Variants in CATSPER1 observed in about 807,000 individuals in gnomAD.
CATSPER1 encodes cation channel sperm associated 1, also known as cation channel sperm-associated protein 1.
A neutral mutation model predicts 72.7 loss-of-function variants in CATSPER1; 57 were observed. The ratio of observed to expected loss-of-function variants is 0.78; its 90% CI spans 0.63 to 0.98. The LOEUF is 0.98. Among genes scored for constraint, CATSPER1 ranks in the 50% least tolerant of loss-of-function variants. The pLI, the probability that CATSPER1 is intolerant of heterozygous loss-of-function variation, is 0.00. For synonymous variants in CATSPER1, 363 were observed against 403.0 expected, an observed-to-expected ratio of 0.90 and a Z score of 1.19; for missense variants, 910 against 1,033.9, an observed-to-expected ratio of 0.88 and a Z score of 1.64.
chr11:66,021,380 G>A (rs111960185), intron 4 of CATSPER1, 116 bp downstream of exon 4: 1 of 1,368,332 alleles, frequency 7.3e-7, no homozygotes, highest in Non-Finnish European at 1.0e-6. Context: ...GCTGGGGTCA[G>A]CAGCCTCCTG....
Position 66,026,032 on chromosome 11 carries a change from A to G in CATSPER1, c.348T>C (p.His116=), listed in dbSNP as rs1856498181. Reference sequence around the variant, plus strand: ...TCCTGCCATCACGTTGGAGCTCATCATGGTAGTCCTCACCGTAGGAACGGT... The same window carrying G: ...TCCTGCCATCACGTTGGAGCTCATCGTGGTAGTCCTCACCGTAGGAACGGT... ...PSHRSYGEDY[H]DELQRDGRRH... Residue 116 remains histidine, a synonymous_variant, in exon 1 of 12, where the codon CAT becomes CAC. Transcript: ENST00000312106. 7 of 1,613,882 alleles carry G rather than the reference A, an allele frequency of 4.3e-6. No individual in the cohort carries two copies. The highest frequency in any genetic ancestry group is 2.2e-5 in the South Asian group (2 of 91,078).
chr11:66,020,765 A>ACC lies in CATSPER1; in HGVS notation c.1927+44_1927+45dup, dbSNP rs1565070768. 3 of 1,607,050 alleles carry ACC rather than the reference A, an allele frequency of 1.9e-6. No individual in the cohort carries two copies. Among genetic ancestry groups the ACC allele is most frequent in the Non-Finnish European group, 2.5e-6 (3 of 1,176,826 alleles). On this transcript the variant is annotated intron_variant, in intron 6 of 11. Coordinates refer to ENST00000312106, the MANE Select transcript of CATSPER1 (RefSeq NM_053054.4). The surrounding 1 kb of genome is among the most constrained non-coding windows in gnomAD (Gnocchi z 4.5). ...GGGGTCACTGAGCCCTGGCCGGTCC[A>ACC]CCCCGCCAATCCCCGGCCCTCCCTG... is the stretch of plus-strand genomic sequence containing the variant.
chr11:66,019,988 G>T, intron 9 of CATSPER1, 152 bp downstream of exon 9: 1 of 697,284 alleles, frequency 1.4e-6, no homozygotes, highest in East Asian at 2.7e-5. Context: ...ATTGTTCTAG[G>T]GTCCTCTGGA....
Position 66,025,926 on chromosome 11 carries a change from G to T in CATSPER1, c.454C>A (p.Pro152Thr). ...HYHRGSHHGR[P>T]QYLGENLSHY... ...GATAAATTCTCACCGAGATATTGGG[G>T]TCTGCCATGGTGAGACCCCCTATGG... The change falls in exon 1 of 12, where the codon CCC becomes ACC. Residue 152 changes from proline to threonine, a missense_variant. By Grantham distance (38) the Pro-to-Thr change is conservative. Transcript: ENST00000312106. The T allele has an allele frequency of 6.2e-7, 1 of 1,613,894 alleles. No individual in the cohort carries two copies. Among genetic ancestry groups the T allele is most frequent in the Non-Finnish European group, 8.5e-7 (1 of 1,179,952 alleles).
Position 66,021,761 on chromosome 11 carries a change from C to G in CATSPER1, c.1543+5G>C, listed in dbSNP as rs2134992613. The G allele has an allele frequency of 6.2e-7, 1 of 1,613,780 alleles. No individual in the cohort carries two copies. The highest frequency in any genetic ancestry group is 2.2e-5 in the East Asian group (1 of 44,876). ...CACACGCAGCCTGGCCCCGGCCGCA[C>G]CCACCCAAATTGTTCCAGAAGTCAA... On this transcript the variant is annotated splice_donor_5th_base_variant and intron_variant, in intron 3 of 11. Coordinates refer to ENST00000312106, the MANE Select transcript of CATSPER1 (RefSeq NM_053054.4).
chr11:66,025,825 A>G lies in CATSPER1; in HGVS notation c.555T>C (p.Asn185=), dbSNP rs956260987. 36 of 1,610,968 alleles carry G rather than the reference A, an allele frequency of 2.2e-5. No homozygotes were observed. The highest frequency in any genetic ancestry group is 3.1e-5 in the Non-Finnish European group (36 of 1,179,078). Residue 185 remains asparagine, a synonymous_variant, in exon 1 of 12, where the codon AAT becomes AAC. Coordinates refer to ENST00000312106, the MANE Select transcript of CATSPER1 (RefSeq NM_053054.4). The part of the protein sequence containing the change: ...HGGSYLPHGP[N]PYSESFHHSE... The stretch of plus-strand genomic sequence containing the variant: ...TGTGGTGGAAGGACTCACTGTAGGG[A>G]TTGGGTCCATGGGGGAGGTAGGACC...
chr11:66,023,256 A>G (rs918726518), intron 1 of CATSPER1, among the ~76,000 whole-genome samples, 195 bp from the exon 2 acceptor site: 10 of 152,136 alleles, frequency 6.6e-5, no homozygotes, highest in African/African-American at 2.4e-4. Flanking sequence ...CGCCCGGCTA[A>G]TTTTTGTATT....
In CATSPER1 at chr11:66,026,474, C is replaced by T. The variant is rs769020617; in HGVS notation, c.-95G>A. 3 of 1,589,990 alleles carry T rather than the reference C, an allele frequency of 1.9e-6. No homozygotes were observed. The highest frequency in any genetic ancestry group is 3.4e-5 in the Admixed American group (2 of 59,374). Reference sequence around the variant, plus strand: ...CTTCTTTCCTGAGCCAAGCTCAATGCAGACTGTGGCACTGGGCTTCCAGAA... The same window carrying T: ...CTTCTTTCCTGAGCCAAGCTCAATGTAGACTGTGGCACTGGGCTTCCAGAA... On this transcript the variant is annotated 5_prime_UTR_variant, in exon 1 of 12. Transcript: ENST00000312106.
intron 9 of CATSPER1, among the ~76,000 whole-genome samples, chr11:66,019,918 CAAAAAAAAAAAAA>C (rs60681273): frequency 1.3e-4 from 8 of 62,692 alleles, no homozygotes; most frequent in African/African-American, 3.2e-4. Context: ...GACTCCATCT[CAAAAAAAAAAAAA>C]AAAAAAAAAA....
intron 1 of CATSPER1, among the ~76,000 whole-genome samples, chr11:66,024,020 G>A (rs1256025216): frequency 2.0e-5 from 3 of 151,632 alleles, no homozygotes; most frequent in African/African-American, 4.9e-5. Flanking sequence ...CTGGAGTGCA[G>A]TATCGTGATC....
chr11:66,021,975 T>A (rs1856383240), intron 2 of CATSPER1, 96 bp from the exon 3 acceptor site: 1 of 926,630 alleles, frequency 1.1e-6, no homozygotes, highest in Non-Finnish European at 1.8e-6. Context: ...ATTCCCAGGC[T>A]CTCCCCGGCT....
chr11:66,021,896 G>A lies in CATSPER1; in HGVS notation c.1430-17C>T, dbSNP rs766140407. ...AGTACCACTCTGCAGGAACACAGGG[G>A]TGCACTCAGAGCTGTCCCCAGCACC... On this transcript the variant is annotated splice_polypyrimidine_tract_variant and intron_variant, in intron 2 of 11. Transcript: ENST00000312106. 1 of 1,586,148 alleles carries A rather than the reference G, an allele frequency of 6.3e-7. No homozygotes were observed. The highest frequency in any genetic ancestry group is 8.7e-7 in the Non-Finnish European group (1 of 1,155,068).
At position 66,026,023 on chromosome 11, in the gene CATSPER1, G is replaced by A. The variant is rs368751630; in HGVS notation, c.357C>T (p.Leu119=). Residue 119 remains leucine (L), a synonymous_variant, in exon 1 of 12, where the codon CTC becomes CTT. Transcript: ENST00000312106. The stretch of plus-strand genomic sequence containing the variant: ...CATGATGCCTCCTGCCATCACGTTG[G>A]AGCTCATCATGGTAGTCCTCACCGT... The part of the protein sequence containing the change: ...RSYGEDYHDE[L]QRDGRRHHDG... 4 of 1,613,988 alleles carry A rather than the reference G, an allele frequency of 2.5e-6. No homozygotes were observed. In the African/African-American group the frequency reaches 4.0e-5, roughly 16 times the overall value.
rs1433591631 is a variant in CATSPER1 at position 66,022,883 on chromosome 11, C to A, written c.1395G>T (p.Val465=). ...TCTCGACTTCAGCGAAGGTCTGGGC[C>A]ACCAGCATGACGGTGTTGAGGCAGA... ...FVVCLNTVML[V]AQTFAEVEIR... The change falls in exon 2 of 12, where the codon GTG becomes GTT. Residue 465 remains valine (V), a synonymous_variant. Coordinates refer to ENST00000312106, the MANE Select transcript of CATSPER1 (RefSeq NM_053054.4). The A allele has an allele frequency of 6.2e-7, 1 of 1,614,060 alleles. No homozygotes were observed. Among genetic ancestry groups the A allele is most frequent in the Non-Finnish European group, 8.5e-7 (1 of 1,180,052 alleles).
In CATSPER1 at chr11:66,020,703, C is replaced by T; in HGVS notation, c.1928-76G>A. ...ACCACGACCTGCTCCCTTCCCATAC[C>T]CGGACATGCAGGCATCAGAAGCCCC... is the stretch of plus-strand genomic sequence containing the variant. On this transcript the variant is annotated intron_variant, in intron 6 of 11. Transcript: ENST00000312106. This position sits in a 1 kb window ranked among gnomAD's most constrained non-coding sequence, Gnocchi z 4.5. 3 of 1,595,808 alleles carry T rather than the reference C, an allele frequency of 1.9e-6. No homozygotes were observed. Among genetic ancestry groups the T allele is most frequent in the Non-Finnish European group, 1.7e-6 (2 of 1,166,552 alleles).
intron 4 of CATSPER1, 150 bp from the exon 5 acceptor site, chr11:66,021,335 G>T: frequency 8.3e-7 from 1 of 1,202,822 alleles, no homozygotes; most frequent in Non-Finnish European, 1.2e-6. Context: ...AAAATGAAGG[G>T]GCTGATTCCA....
Position 66,020,376 on chromosome 11 carries a change from C to A in CATSPER1, c.2005G>T (p.Val669Phe). 2 of 1,614,078 alleles carry A rather than the reference C, an allele frequency of 1.2e-6. No individual in the cohort carries two copies. The highest frequency in any genetic ancestry group is 8.5e-7 in the Non-Finnish European group (1 of 1,180,042). ...GCCGTCTGGAAGCTATCCACCAGGA[C>A]AGTAATCACCAGGCTGGGGAGAGGG... is the stretch of plus-strand genomic sequence containing the variant. ...YFIFLNLVIT[V>F]LVDSFQTALF... Residue 669 changes from valine to phenylalanine, a missense_variant, in exon 8 of 12, where the codon GTC (valine) becomes TTC (phenylalanine). Transcript: ENST00000312106. This position sits in a 1 kb window ranked among gnomAD's most constrained non-coding sequence, Gnocchi z 4.5.
Position 66,025,458 on chromosome 11 carries a change from C to T in CATSPER1, c.922G>A (p.Ala308Thr), listed in dbSNP as rs370786090. ...CCATGGAGGTAACTGGAATGATACG[C>T]GCCGTGGTGGTCTTGGTGCTGATGG... ...DYHQHQDHHGAYHSSYLHGDY... is the reference protein window; with the variant it reads ...DYHQHQDHHGTYHSSYLHGDY... The change falls in exon 1 of 12, where the codon GCG (alanine) becomes ACG (threonine). Residue 308 changes from alanine to threonine, a missense_variant. By Grantham distance (58) the Ala-to-Thr change is moderately conservative. Transcript: ENST00000312106. The T allele has an allele frequency of 8.3e-5, 134 of 1,611,746 alleles. No individual in the cohort carries two copies. Among genetic ancestry groups the T allele is most frequent in the South Asian group, 7.5e-4 (68 of 90,970 alleles).
chr11:66,017,193 G>GGGGGGGGGCCCCC lies in CATSPER1; in HGVS notation c.2202-20_2202-19insGGGGGCCCCCCCC. Reference sequence around the variant, plus strand: ...CTGCTGCCTGCGGGTGGGCGGGGGGGTCGCAGAGACAGGGGCTGGGCTGAC... The same window carrying GGGGGGGGGCCCCC: ...CTGCTGCCTGCGGGTGGGCGGGGGGGGGGGGGGGCCCCCTCGCAGAGACAGGGGCTGGGCTGAC... On this transcript the variant is annotated intron_variant, in intron 10 of 11. Transcript: ENST00000312106. 1 of 493,814 alleles carries GGGGGGGGGCCCCC rather than the reference G, an allele frequency of 2.0e-6. No individual in the cohort carries two copies. The highest frequency in any genetic ancestry group is 4.0e-6 in the Non-Finnish European group (1 of 252,620). The allele number at this position is 493,814 out of a possible 1,614,324, so 30.6% of individuals were successfully genotyped here. A position where few individuals can be genotyped will look rare whatever the true frequency, so the allele number is the denominator to read the frequency against.
Sources: allele counts gnomAD v4.1 joint callset (sites outside exome capture counted in the v4.1 genomes callset), GRCh38; gene constraint gnomAD v4.1.1; non-coding constraint Gnocchi (gnomAD v3.1); transcripts MANE v1.5; gene names NCBI Gene and HGNC (gene_info 2026-07-23, HGNC 2026-07-21).